Variants in MID2 observed in about 807,000 individuals in gnomAD.
The protein encoded by MID2 is midline 2, also known as probable E3 ubiquitin-protein ligase MID2.
MID2 carries 13 observed loss-of-function variants against 46.1 expected under a neutral mutation model. The observed-to-expected ratio is 0.28, with a 90% CI of 0.18 to 0.45. MID2 has a LOEUF of 0.45. MID2 is among the 20% of genes least tolerant of loss of function. The probability of loss-of-function intolerance (pLI) is 1.00; values close to 1 mark genes in which losing one functional copy is unlikely to be tolerated. For missense variants in MID2, 431 were observed against 575.4 expected (o/e 0.75, Z 2.57); for synonymous variants, 199 against 212.3 (o/e 0.94, Z 0.55).
intron 3 of MID2, among the ~76,000 whole-genome samples, chrX:107,886,342 G>C (rs1324072774): frequency 9.0e-6 from 1 of 111,705 alleles, no homozygotes; most frequent in Non-Finnish European, 1.9e-5. Flanking sequence ...TCTACCTATG[G>C]CTAGCCAGTT....
At chrX:107,915,655 T>G (rs1198337860) in intron 5 of MID2, among the ~76,000 whole-genome samples, 1 of 111,760 alleles carries the variant, frequency 8.9e-6, no homozygotes, top group Admixed American at 9.5e-5. Flanking sequence ...AAATCTCTCT[T>G]AAACTGTTTT....
intron 3 of MID2, among the ~76,000 whole-genome samples, chrX:107,869,628 C>T (rs1194494710): frequency 1.8e-5 from 2 of 110,710 alleles, no homozygotes; most frequent in Non-Finnish European, 3.8e-5. Context: ...ATTTTTGGGA[C>T]CGTCTCTTTA....
rs1932255471 is a variant in MID2, at chrX:107,878,714, T to C, written c.816+24010T>C. ...TGGTCCCACATGATGGCTAGACCCA[T>C]GTGAAGGGAAGCAGAGCCTTTTACC... On this transcript the variant is annotated intron_variant, in intron 3 of 9. Coordinates refer to ENST00000262843, the MANE Select transcript of MID2 (RefSeq NM_012216.4). Among the ~76,000 whole-genome samples, 3 of 111,682 alleles carry C rather than the reference T, an allele frequency of 2.7e-5. No homozygotes were observed. In the South Asian group the frequency reaches 1.1e-3, roughly 42 times the overall value.
Position 107,928,786 on chromosome X carries a change from T to C in MID2, c.*1713T>C, listed in dbSNP as rs933454958. On this transcript the variant is annotated 3_prime_UTR_variant, in exon 10 of 10. Coordinates refer to ENST00000262843, the MANE Select transcript of MID2 (RefSeq NM_012216.4). ...AACAGTTATGTATTGTTTGTTCACT[T>C]AATGTGGAAGGCAAGACTGATGCAG... Among the ~76,000 whole-genome samples the C allele has an allele frequency of 1.8e-5, 2 of 112,299 alleles. No individual in the cohort carries two copies. The highest frequency in any genetic ancestry group is 6.5e-5 in the African/African-American group (2 of 30,992).
chrX:107,899,180 C>T (rs1357389696), intron 3 of MID2, among the ~76,000 whole-genome samples: 1 of 89,725 alleles, frequency 1.1e-5, no homozygotes, highest in Non-Finnish European at 2.2e-5. Context: ...GCCCCCTCCC[C>T]CTCCCCCCCC....
chrX:107,839,095 T>C (rs912871594), intron 1 of MID2, among the ~76,000 whole-genome samples: 2 of 110,715 alleles, frequency 1.8e-5, no homozygotes, highest in Non-Finnish European at 3.8e-5. Context: ...CCACCCTGAA[T>C]GACAGAGGGA....
chrX:107,845,095 TCTC>T (rs773120080), intron 2 of MID2, among the ~76,000 whole-genome samples: 1 of 111,716 alleles, frequency 9.0e-6, no homozygotes, highest in Admixed American at 9.5e-5. Flanking sequence ...TGAAAAAAGA[TCTC>T]CTGTGAACTA....
chrX:107,874,170 C>G (rs1459760808), intron 3 of MID2, among the ~76,000 whole-genome samples: 1 of 111,911 alleles, frequency 8.9e-6, no homozygotes, highest in Non-Finnish European at 1.9e-5. Flanking sequence ...TAGGTCTGTA[C>G]TACTAGCTGT....
chrX:107,857,520 A>G (rs1473599500), intron 3 of MID2, among the ~76,000 whole-genome samples: 2 of 111,581 alleles, frequency 1.8e-5, no homozygotes, highest in Non-Finnish European at 3.8e-5. Flanking sequence ...AGCTCAGGCA[A>G]TCCACCCGCC....
chrX:107,838,238 T>C (rs1447415578), intron 1 of MID2, among the ~76,000 whole-genome samples: 5 of 112,031 alleles, frequency 4.5e-5, no homozygotes, highest in Non-Finnish European at 9.4e-5. Context: ...TATAGACATG[T>C]TGAGTTTGAG....
At chrX:107,921,784 C>A (rs1957433882) in intron 7 of MID2, among the ~76,000 whole-genome samples, 1 of 111,491 alleles carries the variant, frequency 9.0e-6, no homozygotes, top group East Asian at 2.8e-4. Context: ...CATTGGGAGC[C>A]TTTCAAGGTG....
chrX:107,874,244 C>A (rs1932142943), intron 3 of MID2, among the ~76,000 whole-genome samples: 1 of 111,910 alleles, frequency 8.9e-6, no homozygotes, highest in Non-Finnish European at 1.9e-5. Context: ...TAGGGAGGGA[C>A]AGGTTCTTAA....
intron 7 of MID2, among the ~76,000 whole-genome samples, chrX:107,919,811 G>T (rs1933036699): frequency 9.0e-6 from 1 of 111,249 alleles, no homozygotes. Flanking sequence ...TGTTTACTGA[G>T]CATATGATCA....
At chrX:107,839,977 G>A (rs745711617) in intron 1 of MID2, among the ~76,000 whole-genome samples, 3 of 111,965 alleles carry the variant, frequency 2.7e-5, no homozygotes, top group Non-Finnish European at 5.6e-5. Flanking sequence ...GGTTTCTGAA[G>A]GTGAGGGAAG....
intron 1 of MID2, among the ~76,000 whole-genome samples, chrX:107,831,606 C>T (rs893505508): frequency 1.8e-5 from 2 of 112,058 alleles, no homozygotes; most frequent in Admixed American, 9.4e-5. Context: ...TCAAATAGGC[C>T]TCTGTTCTCT....
chrX:107,912,937 G>T (rs910767068), intron 5 of MID2, among the ~76,000 whole-genome samples: 2 of 110,712 alleles, frequency 1.8e-5, no homozygotes, highest in African/African-American at 6.6e-5. Context: ...AGCTGGGAGA[G>T]ATATGCCTTT....
chrX:107,892,648 A>G (rs1046499531), intron 3 of MID2, among the ~76,000 whole-genome samples: 5 of 111,705 alleles, frequency 4.5e-5, no homozygotes, highest in Non-Finnish European at 9.4e-5. Context: ...TTTAAAACCC[A>G]TTATGATCTG....
intron 3 of MID2, among the ~76,000 whole-genome samples, chrX:107,892,316 G>A (rs932032114): frequency 8.9e-6 from 1 of 112,112 alleles, no homozygotes. Flanking sequence ...GGAAACCTGG[G>A]TTCTGCTGCT....
chrX:107,846,773 A>G lies in MID2; in HGVS notation c.720+5388A>G, dbSNP rs749986435. Among the ~76,000 whole-genome samples, 350 of 111,872 alleles carry G rather than the reference A, an allele frequency of 3.1e-3. 1 individual carries two copies. Among genetic ancestry groups the G allele is most frequent in the Non-Finnish European group, 5.4e-3 (287 of 53,117 alleles). On this transcript the variant is annotated intron_variant, in intron 2 of 9. Transcript: ENST00000262843. ...AGTTTAGCAAGTAGATACTCCTATT[A>G]TCTGTACCCTTATCTTTCTGTTTTT... is the stretch of plus-strand genomic sequence containing the variant.
Sources: gnomAD v4.1 joint callset for allele counts (sites outside exome capture counted in the v4.1 genomes callset) on GRCh38, gnomAD v4.1.1 for gene constraint, MANE v1.5 for transcripts, NCBI Gene and HGNC (gene_info 2026-07-23, HGNC 2026-07-21) for gene names.